The following RBFOX1 variants were observed in gnomAD, a reference collection of about 807,000 sequenced individuals.
RBFOX1 encodes the protein RNA binding fox-1 homolog 1.
Under a neutral mutation model 57.7 loss-of-function variants are expected in RBFOX1, and 8 were observed. That is an observed-to-expected ratio of 0.14 (90% confidence interval 0.08 to 0.25). The LOEUF (loss-of-function observed/expected upper bound fraction) is 0.25. Ranked by LOEUF, RBFOX1 falls within the 10% of genes least tolerant of loss-of-function variation. RBFOX1 has a pLI of 1.00. For synonymous variants in RBFOX1, 326 were observed against 222.4 expected, an observed-to-expected ratio of 1.47 and a Z score of -4.15; for missense variants, 611 against 548.5, an observed-to-expected ratio of 1.11 and a Z score of -1.14.
At chr16:5,282,183 G>A (rs2063288513) in intron 1 of RBFOX1, among the ~76,000 whole-genome samples, 1 of 152,200 alleles carries the variant, frequency 6.6e-6, no homozygotes, top group African/African-American at 2.4e-5. Flanking sequence ...TTTGCCTGCT[G>A]CCATCCCTGT....
Position 6,500,883 on chromosome 16 carries a change from T to TG in RBFOX1, c.-63-153720_-63-153719insG, listed in dbSNP as rs1415756308. 5.3e-4 allele frequency among the ~76,000 whole-genome samples: 73 copies of TG among 136,972 alleles called. 1 individual carries two copies. The highest frequency in any genetic ancestry group is 1.8e-3 in the African/African-American group (68 of 37,648). 89.9% of individuals were successfully genotyped at this position (136,972 alleles called of 152,430 possible). On this transcript the variant is annotated intron_variant, in intron 2 of 15. Coordinates refer to ENST00000550418, the MANE Select transcript of RBFOX1 (RefSeq NM_018723.4). ...CTCAGCCCTTGGGGAGTAGTTTTTT[T>TG]TTTTTTTTTTTTTTTTTTAATGCTG...
chr16:5,301,576 G>A (rs953762612), intron 1 of RBFOX1, among the ~76,000 whole-genome samples: 21 of 130,642 alleles, frequency 1.6e-4, no homozygotes, highest in South Asian at 2.6e-4. Context: ...CCAAGATTGC[G>A]CCACTGCACT....
At chr16:7,474,197 G>C (rs867191457) in intron 4 of RBFOX1, among the ~76,000 whole-genome samples, 26 of 152,332 alleles carry the variant, frequency 1.7e-4, no homozygotes, top group African/African-American at 6.3e-4. Flanking sequence ...TGAGGCAGCA[G>C]AGTCGCTTGA....
chr16:7,019,266 GAA>G (rs1327725782), intron 3 of RBFOX1, among the ~76,000 whole-genome samples: 1 of 151,886 alleles, frequency 6.6e-6, no homozygotes, highest in Non-Finnish European at 1.5e-5. Flanking sequence ...TGGTGCTTGA[GAA>G]AAAAACAGGT....
chr16:6,818,186 C>A (rs1439238940), intron 3 of RBFOX1, among the ~76,000 whole-genome samples: 1 of 152,136 alleles, frequency 6.6e-6, no homozygotes. Context: ...CCACAGGGAT[C>A]CTGCTGTTGG....
intron 4 of RBFOX1, among the ~76,000 whole-genome samples, chr16:7,399,693 A>G (rs1359618089): frequency 2.0e-5 from 3 of 151,374 alleles, no homozygotes; most frequent in African/African-American, 7.3e-5. Context: ...GAATTTGTCG[A>G]TGGATTTAGG....
chr16:7,532,851 G>A (rs570832934), intron 5 of RBFOX1, among the ~76,000 whole-genome samples: 1 of 152,192 alleles, frequency 6.6e-6, no homozygotes, highest in Non-Finnish European at 1.5e-5. Context: ...CTTATTGTTT[G>A]ACCCTCAACA....
chr16:7,491,933 C>T (rs1599845078), intron 4 of RBFOX1, among the ~76,000 whole-genome samples: 1 of 152,182 alleles, frequency 6.6e-6, no homozygotes, highest in African/African-American at 2.4e-5. Flanking sequence ...TCCGTGTGTT[C>T]CTTTTTTGTC....
At position 6,628,238 on chromosome 16, in the gene RBFOX1, A is replaced by G. The variant is rs75288732; in HGVS notation, c.-63-26365A>G. The stretch of plus-strand genomic sequence containing the variant: ...TTAGCATCTTAGGAATGTGTACTCA[A>G]TGACAGCCAACGTAAATTTTGCACC... On this transcript the variant is annotated intron_variant, in intron 2 of 15. Coordinates refer to ENST00000550418, the MANE Select transcript of RBFOX1 (RefSeq NM_018723.4). Among the ~76,000 whole-genome samples, 27 of 152,304 alleles carry G rather than the reference A, an allele frequency of 1.8e-4. No individual in the cohort carries two copies. In the East Asian group the frequency reaches 2.7e-3, roughly 15 times the overall value.
At chr16:7,434,821 C>T (rs1006806552) in intron 4 of RBFOX1, among the ~76,000 whole-genome samples, 8 of 151,700 alleles carry the variant, frequency 5.3e-5, no homozygotes, top group African/African-American at 1.9e-4. Flanking sequence ...CTCACTGCAA[C>T]CTCTGCCTCC....
chr16:5,441,455 C>G (rs148855106), intron 1 of RBFOX1, among the ~76,000 whole-genome samples: 2,600 of 151,522 alleles, frequency 0.017, 33 homozygotes, highest in Middle Eastern at 0.028. Context: ...ACCTCCACCT[C>G]CAAGGTTCAA....
intron 1 of RBFOX1, among the ~76,000 whole-genome samples, chr16:6,213,239 T>C (rs1344389082): frequency 6.6e-6 from 1 of 152,220 alleles, no homozygotes; most frequent in African/African-American, 2.4e-5. Flanking sequence ...ATGAGCTCTT[T>C]CTTGAACGCT....
intron 3 of RBFOX1, among the ~76,000 whole-genome samples, chr16:6,977,760 A>C (rs947167502): frequency 1.3e-5 from 2 of 152,040 alleles, no homozygotes; most frequent in Non-Finnish European, 1.5e-5. Flanking sequence ...TTCTCTGAAG[A>C]AAAGAAAGAA....
chr16:6,364,123 C>A (rs889539545), intron 2 of RBFOX1, among the ~76,000 whole-genome samples: 1 of 152,250 alleles, frequency 6.6e-6, no homozygotes, highest in East Asian at 1.9e-4. Flanking sequence ...TATGCCACAA[C>A]GTCTGTTCCC....
intron 2 of RBFOX1, among the ~76,000 whole-genome samples, chr16:6,403,375 T>C (rs901372796): frequency 2.2e-4 from 33 of 152,134 alleles, no homozygotes; most frequent in African/African-American, 7.7e-4. Flanking sequence ...AGAGACTTTT[T>C]TTTTAAATAG....
chr16:5,972,439 G>T (rs1489992726), intron 4 of RBFOX1, among the ~76,000 whole-genome samples: 1 of 152,204 alleles, frequency 6.6e-6, no homozygotes, highest in African/African-American at 2.4e-5. Context: ...TATGTGTCCA[G>T]TGCCTGAGAG....
At chr16:6,551,665 C>A (rs1022229756) in intron 2 of RBFOX1, among the ~76,000 whole-genome samples, 2 of 152,056 alleles carry the variant, frequency 1.3e-5, no homozygotes, top group Non-Finnish European at 2.9e-5. Context: ...GAATGTGTAG[C>A]TAATATAGCT....
intron 10 of RBFOX1, among the ~76,000 whole-genome samples, chr16:7,615,769 G>A (rs970615145): frequency 6.6e-6 from 1 of 152,126 alleles, no homozygotes; most frequent in Non-Finnish European, 1.5e-5. Flanking sequence ...CATCTAGTGG[G>A]TGGAGGCCAA....
At chr16:6,446,063 C>T (rs1246111609) in intron 2 of RBFOX1, among the ~76,000 whole-genome samples, 2 of 152,174 alleles carry the variant, frequency 1.3e-5, no homozygotes, top group Non-Finnish European at 2.9e-5. Flanking sequence ...CTTCTGGGCT[C>T]AAGCAATCCT....
Sources: gnomAD v4.1 joint callset for allele counts (sites outside exome capture counted in the v4.1 genomes callset) on GRCh38, gnomAD v4.1.1 for gene constraint, MANE v1.5 for transcripts, NCBI Gene and HGNC (gene_info 2026-07-23, HGNC 2026-07-21) for gene names.